The following CC2D1B variants were observed in gnomAD, a reference collection of about 807,000 sequenced individuals.
The protein encoded by CC2D1B is coiled-coil and C2 domain containing 1B.
CC2D1B carries 92 observed loss-of-function variants against 110.8 expected under a neutral mutation model. The observed-to-expected ratio is 0.83, with a 90% CI of 0.70 to 0.99. The LOEUF (loss-of-function observed/expected upper bound fraction) is 0.99, where lower values mean the gene tolerates loss of function less well. Among genes scored for constraint, CC2D1B ranks in the 50% least tolerant of loss-of-function variants. The pLI is 0.00. For synonymous variants in CC2D1B, 406 were observed against 429.2 expected (o/e 0.95, Z 0.67); for missense variants, 1,136 against 1,089.0 (o/e 1.04, Z -0.61).
intron 6 of CC2D1B, 34 bp downstream of exon 6, chr1:52,360,390 T>A: frequency 6.2e-7 from 1 of 1,607,384 alleles, no homozygotes. Context: ...TGCAGCCCCC[T>A]CCCCTGCCCT....
chr1:52,355,889 G>A (rs1209685661), intron 18 of CC2D1B, 45 bp from the exon 19 acceptor site: 2 of 1,591,962 alleles, frequency 1.3e-6, no homozygotes, highest in Non-Finnish European at 1.7e-6. Context: ...GTGAAGGACA[G>A]TAGTGGAACA....
In CC2D1B at chr1:52,358,334, G is replaced by A. The variant is rs774663774; in HGVS notation, c.1458C>T (p.Asp486=). ...GGAGTTGAGCCCTCAACCAAACCTC[G>A]TCCTCGTCTTTATCAGCCGGGGCTG... ...EDSAPADKDE[D]EGEPPAQAPV... The change falls in exon 13 of 25, where the codon GAC becomes GAT. Residue 486 remains aspartate, a synonymous_variant. Coordinates refer to ENST00000284376, the MANE Select transcript of CC2D1B (RefSeq NM_001330585.2). 52 of 1,613,408 alleles carry A rather than the reference G, an allele frequency of 3.2e-5. No individual in the cohort carries two copies. The African/African-American group carries it at 4.0e-4, about 12-fold the overall frequency.
Position 52,358,352 on chromosome 1 carries a change from C to A in CC2D1B, c.1440G>T (p.Pro480=), listed in dbSNP as rs140467530. ...EKLASAEDSA[P]ADKDEDEGEP... is the part of the protein sequence containing the mutation. ...AAACCTCGTCCTCGTCTTTATCAGC[C>A]GGGGCTGAATCCTCTGCAGAGGCCA... Residue 480 remains proline, a synonymous_variant, in exon 13 of 25, where the codon CCG becomes CCT. Transcript: ENST00000284376. 3.1e-6 allele frequency: 5 copies of A among 1,613,938 alleles called. No individual in the cohort carries two copies. The highest frequency in any genetic ancestry group is 1.3e-5 in the African/African-American group (1 of 74,920).
chr1:52,359,913 C>T, intron 7 of CC2D1B, 30 bp from the exon 8 acceptor site: 1 of 1,597,714 alleles, frequency 6.3e-7, no homozygotes, highest in Non-Finnish European at 8.5e-7. Flanking sequence ...CCCCAGAGAG[C>T]ACATGAGGGT....
chr1:52,361,128 T>TGGG lies in CC2D1B; in HGVS notation c.322_323insCCC (p.Glu108delinsAlaGln). The TGGG allele has an allele frequency of 6.2e-7, 1 of 1,613,936 alleles. No individual in the cohort carries two copies. Among genetic ancestry groups the TGGG allele is most frequent in the East Asian group, 2.2e-5 (1 of 44,852 alleles). ...GTCCACACCTAAGACCTCCTGCAGCTCCGTCTAGGGAGACAAAACACAGCC... is the reference window on the plus strand; with the variant it reads ...GTCCACACCTAAGACCTCCTGCAGCTGGGCCGTCTAGGGAGACAAAACACAGCC... On this transcript the variant is annotated protein_altering_variant, in exon 5 of 25. Transcript: ENST00000284376.
At position 52,357,656 on chromosome 1, in the gene CC2D1B, T is replaced by C. The variant is rs1160299114; in HGVS notation, c.1622A>G (p.Tyr541Cys). 6 of 1,601,322 alleles carry C rather than the reference T, an allele frequency of 3.7e-6. No individual in the cohort carries two copies. Among genetic ancestry groups the C allele is most frequent in the Non-Finnish European group, 5.1e-6 (6 of 1,173,724 alleles). The change falls in exon 15 of 25, where the codon TAT becomes TGT. Residue 541 changes from tyrosine (Y) to cysteine (C), a missense_variant. Transcript: ENST00000284376. ...LALLEARKLQ[Y>C]QRAALQAKRS... The stretch of plus-strand genomic sequence containing the variant: ...CTTGGCCTGCAGGGCTGCCCGCTGA[T>C]ACTGCAGTTTCCGTGCCTCCAGCAG...
chr1:52,354,860 C>T lies in CC2D1B; in HGVS notation c.2319G>A (p.Lys773=), dbSNP rs150459647. 1.2e-6 allele frequency: 2 copies of T among 1,614,074 alleles called. No homozygotes were observed. Among genetic ancestry groups the T allele is most frequent in the African/African-American group, 2.7e-5 (2 of 74,932 alleles). The change falls in exon 22 of 25, where the codon AAG becomes AAA. Residue 773 remains lysine, a synonymous_variant. Coordinates refer to ENST00000284376, the MANE Select transcript of CC2D1B (RefSeq NM_001330585.2). ...CTCACCCTTTGTGGAAGATCTCAAA[C>T]TTGATGCCTTTGCTCTGGATCACCC... ...FKRVIQSKGI[K]FEIFHKGSFF...
At chr1:52,357,928 G>A (rs1646690995) in intron 13 of CC2D1B, 30 bp from the exon 14 acceptor site, 1 of 1,530,542 alleles carries the variant, frequency 6.5e-7, no homozygotes, top group South Asian at 1.3e-5. Context: ...TGTTAGGAGG[G>A]GATGTGTTCC....
rs142455042 is a variant in CC2D1B, at chr1:52,356,194, C to T, written c.2046G>A (p.Gln682=). The T allele has an allele frequency of 1.2e-4, 196 of 1,578,408 alleles. No individual in the cohort carries two copies. Among genetic ancestry groups the T allele is most frequent in the Non-Finnish European group, 1.7e-4 (194 of 1,156,050 alleles). Residue 682 remains glutamine (Q), a synonymous_variant, in exon 18 of 25, where the codon CAG becomes CAA. Transcript: ENST00000284376. Reference sequence around the variant, plus strand: ...TCCCTAGGCCTTGGTACCTCACAGTCTGGAATGTCTTCAACTCAAAGTGGT... The same window carrying T: ...TCCCTAGGCCTTGGTACCTCACAGTTTGGAATGTCTTCAACTCAAAGTGGT... The part of the protein sequence containing the change: ...PTHHFELKTF[Q]TVRIFSELNS...
chr1:52,353,174 C>T lies in CC2D1B; in HGVS notation c.*51G>A, dbSNP rs888887519. 2.3e-6 allele frequency: 3 copies of T among 1,320,620 alleles called. No homozygotes were observed. Among genetic ancestry groups the T allele is most frequent in the Non-Finnish European group, 3.0e-6 (3 of 1,000,042 alleles). 81.8% of individuals were successfully genotyped at this position (1,320,620 alleles called of 1,614,324 possible). On this transcript the variant is annotated 3_prime_UTR_variant, in exon 25 of 25. Transcript: ENST00000284376. ...CTGAAGCCAGCAAAGCTGGGAAAGT[C>T]ATCTCCTGCACAGTCGCGGCCTGAC... is the stretch of plus-strand genomic sequence containing the variant.
At chr1:52,362,840 T>C in intron 2 of CC2D1B, 94 bp from the exon 3 acceptor site, 1 of 1,311,876 alleles carries the variant, frequency 7.6e-7, no homozygotes, top group Non-Finnish European at 1.1e-6. Context: ...TCCCAATCAG[T>C]GGCTCCTTCA....
Position 52,354,973 on chromosome 1 carries a change from GCT to G in CC2D1B, c.2240-36_2240-35del, listed in dbSNP as rs1557541125. The stretch of plus-strand genomic sequence containing the variant: ...GGGGGAGAAAGCAAGGAGGGGCTTG[GCT>G]CTCGGGATTTCCTGAGGAAGTGGAA... On this transcript the variant is annotated intron_variant, in intron 21 of 24. Transcript: ENST00000284376. 2.6e-6 allele frequency: 4 copies of G among 1,552,872 alleles called. No individual in the cohort carries two copies. The East Asian group carries it at 9.0e-5, about 35-fold the overall frequency.
rs568089388 is a variant in CC2D1B at position 52,361,045 on chromosome 1, C to T, written c.406G>A (p.Glu136Lys). ...GGTTCAGTGTCTTCTAGGCCGTTCT[C>T]CTCCTCAGAGCCGCCTGGGTCAGCT... ...EVADPGGSEEENGLEDTEPPV... is the reference protein window; with the variant it reads ...EVADPGGSEEKNGLEDTEPPV... The change falls in exon 5 of 25, where the codon GAG (glutamate) becomes AAG (lysine). Residue 136 changes from glutamate to lysine, a missense_variant. Coordinates refer to ENST00000284376, the MANE Select transcript of CC2D1B (RefSeq NM_001330585.2). 3.1e-6 allele frequency: 5 copies of T among 1,614,104 alleles called. No homozygotes were observed. The South Asian group carries it at 3.3e-5, about 11-fold the overall frequency.
At position 52,354,687 on chromosome 1, in the gene CC2D1B, C is replaced by G. The variant is rs1646605740; in HGVS notation, c.2351G>C (p.Arg784Thr). Residue 784 changes from arginine to threonine, a missense_variant, in exon 23 of 25, where the codon AGA becomes ACA. Arg to Thr is a moderately conservative substitution (Grantham distance 71, BLOSUM62 -1). Transcript: ENST00000284376. ...TGCTGTGCCAACCAGCTTGTCGCTT[C>G]TGAAGAAGGACCTGGGGAGTCAAGA... ...FEIFHKGSFF[R>T]SDKLVGTAHL... 6.2e-7 allele frequency: 1 copy of G among 1,614,100 alleles called. No homozygotes were observed. Among genetic ancestry groups the G allele is most frequent in the African/African-American group, 1.3e-5 (1 of 74,942 alleles).
rs757883166 is a variant in CC2D1B, at chr1:52,355,600, A to G, written c.2187+8T>C. 4 of 1,614,076 alleles carry G rather than the reference A, an allele frequency of 2.5e-6. No individual in the cohort carries two copies. Among genetic ancestry groups the G allele is most frequent in the African/African-American group, 1.3e-5 (1 of 74,928 alleles). On this transcript the variant is annotated splice_region_variant and intron_variant, in intron 20 of 24. Coordinates refer to ENST00000284376, the MANE Select transcript of CC2D1B (RefSeq NM_001330585.2). Reference sequence around the variant, plus strand: ...TTTCAGAGGATCCTACTTCTACCTGAACCTCACCGAGTTAGGGTAGTGAAA... The same window carrying G: ...TTTCAGAGGATCCTACTTCTACCTGGACCTCACCGAGTTAGGGTAGTGAAA...
Position 52,357,613 on chromosome 1 carries a change from C to T in CC2D1B, c.1665G>A (p.Glu555=). 6.3e-7 allele frequency: 1 copy of T among 1,591,050 alleles called. No individual in the cohort carries two copies. The highest frequency in any genetic ancestry group is 8.6e-7 in the Non-Finnish European group (1 of 1,167,980). ...ALQAKRSQDL[E]QAKAYLRVAK... ...CTACCCGCAGATAGGCTTTGGCCTG[C>T]TCCAGGTCCTGGCTGCGCTTGGCCT... The change falls in exon 15 of 25, where the codon GAG becomes GAA. Residue 555 remains glutamate, a synonymous_variant. Coordinates refer to ENST00000284376, the MANE Select transcript of CC2D1B (RefSeq NM_001330585.2).
chr1:52,362,701 T>G lies in CC2D1B; in HGVS notation c.115A>C (p.Met39Leu). The change falls in exon 3 of 25, where the codon ATG (methionine) becomes CTG (leucine). Residue 39 changes from methionine to leucine, a missense_variant. Physicochemically the swap from Met to Leu is conservative, Grantham distance 15 (BLOSUM62 2). Coordinates refer to ENST00000284376, the MANE Select transcript of CC2D1B (RefSeq NM_001330585.2). ...TCCTCATCATCTTCAGCCTCATCCA[T>G]GCCCAGCAGCATGTCCTCAGGGCCA... ...EFGPEDMLLG[M>L]DEAEDDEDLE... 1 of 1,614,134 alleles carries G rather than the reference T, an allele frequency of 6.2e-7. No homozygotes were observed. Among genetic ancestry groups the G allele is most frequent in the South Asian group, 1.1e-5 (1 of 91,074 alleles).
chr1:52,361,682 G>A, intron 3 of CC2D1B, 66 bp from the exon 4 acceptor site: 1 of 1,586,232 alleles, frequency 6.3e-7, no homozygotes, highest in East Asian at 2.2e-5. Context: ...TAAAGGAGGG[G>A]CTTGGTAGAT....
Position 52,353,657 on chromosome 1 carries a change from CCA to C in CC2D1B, c.2431-12_2431-11del. On this transcript the variant is annotated splice_polypyrimidine_tract_variant and intron_variant, in intron 23 of 24. Coordinates refer to ENST00000284376, the MANE Select transcript of CC2D1B (RefSeq NM_001330585.2). ...TCCTTCCATCCAGGACCTGTGAGGA[CCA>C]CAGAGAGGGAAATGGTAACTAAGGG... 1.3e-6 allele frequency: 2 copies of C among 1,581,646 alleles called. No homozygotes were observed. Among genetic ancestry groups the C allele is most frequent in the South Asian group, 1.1e-5 (1 of 88,092 alleles).
Sources: gnomAD v4.1 joint callset for allele counts on GRCh38, gnomAD v4.1.1 for gene constraint, MANE v1.5 for transcripts, NCBI Gene and HGNC (gene_info 2026-07-23, HGNC 2026-07-21) for gene names.